Variants in DENND4C observed in about 807,000 individuals in gnomAD.
DENND4C encodes DENN domain-containing protein 4C.
In DENND4C, 108 loss-of-function variants were observed where a neutral mutation model predicts 203.0. The observed-to-expected ratio is 0.53, with a 90% confidence interval of 0.46 to 0.62. DENND4C has a LOEUF of 0.62. Among genes scored for constraint, DENND4C ranks in the 20% least tolerant of loss-of-function variants. DENND4C has a pLI of 0.00. For synonymous variants in DENND4C, 871 were observed against 792.4 expected (o/e 1.10, Z -1.67); for missense variants, 2,481 against 2,301.2 (o/e 1.08, Z -1.60).
At chr9:19,260,172 GATA>G in intron 1 of DENND4C, among the ~76,000 whole-genome samples, 1 of 152,240 alleles carries the variant, frequency 6.6e-6, no homozygotes, top group Middle Eastern at 3.4e-3. Context: ...GGTGTGAGAT[GATA>G]TCTCATTTTA....
intron 1 of DENND4C, among the ~76,000 whole-genome samples, chr9:19,254,388 A>G (rs1010007597): frequency 4.6e-5 from 7 of 152,238 alleles, no homozygotes; most frequent in African/African-American, 1.4e-4. Context: ...ACACACACAC[A>G]GCAGAATACT....
intron 18 of DENND4C, among the ~76,000 whole-genome samples, chr9:19,335,543 T>C (rs1409497914): frequency 6.6e-6 from 1 of 152,156 alleles, no homozygotes; most frequent in African/African-American, 2.4e-5. Flanking sequence ...GTAACCATAC[T>C]TCTAGTCTCT....
At chr9:19,332,977 C>T (rs1369027662) in intron 17 of DENND4C, among the ~76,000 whole-genome samples, 1 of 150,128 alleles carries the variant, frequency 6.7e-6, no homozygotes, top group African/African-American at 2.4e-5. Flanking sequence ...CACTTAGGAC[C>T]TGTGTCCTAA....
At chr9:19,325,589 A>G (rs1817648770) in intron 13 of DENND4C, among the ~76,000 whole-genome samples, 1 of 152,176 alleles carries the variant, frequency 6.6e-6, no homozygotes, top group South Asian at 2.1e-4. Flanking sequence ...CAAAATTGAT[A>G]TTCCAGTATC....
chr9:19,245,196 C>T (rs551661006), intron 1 of DENND4C, among the ~76,000 whole-genome samples: 4 of 152,038 alleles, frequency 2.6e-5, no homozygotes, highest in African/African-American at 4.8e-5. Flanking sequence ...GGGCCAGGTG[C>T]GGTGGCTCAC....
chr9:19,299,177 CT>C lies in DENND4C; in HGVS notation c.1108-50del. ...TCAAAAGTAGTTTTGAAACTTATCTCTTGGTTTGGTTAATTTATCTTTGGTT... is the reference window on the plus strand; with the variant it reads ...TCAAAAGTAGTTTTGAAACTTATCTCTGGTTTGGTTAATTTATCTTTGGTT... On this transcript the variant is annotated intron_variant, in intron 7 of 32. Transcript: ENST00000434457. 2.2e-6 allele frequency: 3 copies of C among 1,350,138 alleles called. No homozygotes were observed. In the East Asian group the frequency reaches 7.7e-5, roughly 35 times the overall value. 83.6% of individuals were successfully genotyped at this position (1,350,138 alleles called of 1,614,324 possible). A position where few individuals can be genotyped will look rare whatever the true frequency, so the allele number is the denominator to read the frequency against.
intron 23 of DENND4C, among the ~76,000 whole-genome samples, chr9:19,348,039 A>G (rs1229423833): frequency 6.6e-6 from 1 of 152,220 alleles, no homozygotes; most frequent in African/African-American, 2.4e-5. Flanking sequence ...ACTTTAGTAG[A>G]TAAGGCAGAT....
intron 31 of DENND4C, among the ~76,000 whole-genome samples, chr9:19,370,718 T>C (rs1442112823): frequency 6.6e-6 from 1 of 152,228 alleles, no homozygotes; most frequent in Admixed American, 6.5e-5. Flanking sequence ...GATATGGAGT[T>C]ATTGTGCTCC....
chr9:19,244,566 C>A (rs1421475461), intron 1 of DENND4C, among the ~76,000 whole-genome samples: 1 of 151,276 alleles, frequency 6.6e-6, no homozygotes, highest in Non-Finnish European at 1.5e-5. Context: ...CAGTGAAACC[C>A]CATCTGTCCT....
intron 27 of DENND4C, 100 bp from the exon 28 acceptor site, chr9:19,357,865 T>G (rs1443840035): frequency 6.4e-6 from 6 of 935,136 alleles, no homozygotes; most frequent in Non-Finnish European, 9.3e-6. Flanking sequence ...CTTAGATATA[T>G]TTAGTAGACT....
At chr9:19,344,393 A>G (rs960991350) in intron 22 of DENND4C, among the ~76,000 whole-genome samples, 5 of 152,216 alleles carry the variant, frequency 3.3e-5, no homozygotes, top group African/African-American at 1.2e-4. Context: ...GCAATTTGGC[A>G]GGCTGGAGGG....
At chr9:19,333,091 T>C (rs1443396578) in intron 17 of DENND4C, among the ~76,000 whole-genome samples, 1 of 151,950 alleles carries the variant, frequency 6.6e-6, no homozygotes, top group East Asian at 1.9e-4. Context: ...CACAGCTCAC[T>C]GTAGCCTAGA....
intron 30 of DENND4C, among the ~76,000 whole-genome samples, chr9:19,367,814 C>T (rs1201676417): frequency 1.3e-5 from 2 of 152,150 alleles, no homozygotes; most frequent in African/African-American, 4.8e-5. Flanking sequence ...CATTTGGCAA[C>T]AGAAAACAAT....
At chr9:19,345,852 CAAT>C in intron 22 of DENND4C, 66 bp from the exon 23 acceptor site, 1 of 1,343,706 alleles carries the variant, frequency 7.4e-7, no homozygotes, top group Non-Finnish European at 1.0e-6. Flanking sequence ...ATCAGGAAAA[CAAT>C]AAATATTTTA....
chr9:19,295,444 G>T (rs1445412463), intron 5 of DENND4C, among the ~76,000 whole-genome samples: 1 of 152,036 alleles, frequency 6.6e-6, no homozygotes, highest in African/African-American at 2.4e-5. Flanking sequence ...GGTGGAGCTT[G>T]CAGTGAGCCG....
intron 31 of DENND4C, 120 bp downstream of exon 31, chr9:19,370,107 ATTGTT>A (rs1192561552): frequency 2.5e-6 from 3 of 1,206,832 alleles, no homozygotes; most frequent in East Asian, 2.6e-5. Flanking sequence ...CAAAACATCT[ATTGTT>A]TTAAGTGCTA....
At chr9:19,320,587 G>A (rs1325526062) in intron 12 of DENND4C, among the ~76,000 whole-genome samples, 1 of 152,224 alleles carries the variant, frequency 6.6e-6, no homozygotes, top group African/African-American at 2.4e-5. Flanking sequence ...CCATATGAAG[G>A]TAGTGGTTAC....
At chr9:19,263,874 G>T (rs1239659047) in intron 1 of DENND4C, among the ~76,000 whole-genome samples, 1 of 152,004 alleles carries the variant, frequency 6.6e-6, no homozygotes, top group African/African-American at 2.4e-5. Flanking sequence ...TGGCCAGGCT[G>T]GTCTCGAACT....
chr9:19,298,051 T>C lies in DENND4C; in HGVS notation c.1041-5T>C. 1 of 1,605,350 alleles carries C rather than the reference T, an allele frequency of 6.2e-7. No homozygotes were observed. Among genetic ancestry groups the C allele is most frequent in the Non-Finnish European group, 8.5e-7 (1 of 1,175,816 alleles). On this transcript the variant is annotated splice_polypyrimidine_tract_variant and splice_region_variant and intron_variant, in intron 6 of 32. Transcript: ENST00000434457. ...ATTATATTTATTTCAAATTTTTTTT[T>C]CTAGGCACATTTCACATTTTATGCA...
Sources: gnomAD v4.1 joint callset for allele counts (sites outside exome capture counted in the v4.1 genomes callset) on GRCh38, gnomAD v4.1.1 for gene constraint, MANE v1.5 for transcripts, NCBI Gene and HGNC (gene_info 2026-07-23, HGNC 2026-07-21) for gene names.